SEPTIN8: variants seen among roughly 807,000 people sequenced by gnomAD.
SEPTIN8 encodes the protein septin-8.
SEPTIN8 carries 22 observed loss-of-function variants against 53.1 expected under a neutral mutation model. The observed-to-expected ratio is 0.41, with a 90% CI of 0.30 to 0.59. SEPTIN8 has a LOEUF of 0.59. SEPTIN8 is among the 20% of genes least tolerant of loss of function. SEPTIN8 has a pLI of 0.24. For missense variants in SEPTIN8, 536 were observed against 638.7 expected (o/e 0.84, Z 1.73); for synonymous variants, 228 against 248.4 (o/e 0.92, Z 0.77).
intron 9 of SEPTIN8, chr5:132,753,670 GCTAATGAAT>G (rs1205372062): frequency 6.6e-6 from 1 of 152,478 alleles, no homozygotes; most frequent in Non-Finnish European, 1.5e-5. Flanking sequence ...GGGATTTTGT[GCTAATGAAT>G]GGGTATTATA....
At chr5:132,757,445 A>G in intron 9 of SEPTIN8, 2 of 985,480 alleles carry the variant, frequency 2.0e-6, no homozygotes, top group Non-Finnish European at 2.4e-6. Context: ...TCAATAATGC[A>G]AGCCAGACAG....
chr5:132,763,936 G>A (rs926778166), intron 3 of SEPTIN8, 44 bp from the exon 4 acceptor site: 10 of 1,498,452 alleles, frequency 6.7e-6, no homozygotes, highest in Non-Finnish European at 8.0e-6. Context: ...GCTGAGATCA[G>A]GGGCTTGGGG....
At chr5:132,777,936 T>C (rs1757940119), upstream of SEPTIN8, 2 of 985,482 alleles carry the variant, frequency 2.0e-6, no homozygotes, top group African/African-American at 3.5e-5. The surrounding 1 kb of genome is among the most constrained non-coding windows in gnomAD (Gnocchi z 4.1). Context: ...GGCGTCAGAT[T>C]GCAAGTGTCC....
Position 132,751,146 on chromosome 5 carries a change from G to A in SEPTIN8, c.*870C>T. On this transcript the variant is annotated 3_prime_UTR_variant, in exon 10 of 10. Coordinates refer to ENST00000378719, the MANE Select transcript of SEPTIN8 (RefSeq NM_001098811.2). ...TGACGCACAAGGCTCATGACATACG[G>A]AAGAGTGAAAAGGTATCTTAAATCC... The A allele has an allele frequency of 1.3e-6, 1 of 778,182 alleles. No individual in the cohort carries two copies. Among genetic ancestry groups the A allele is most frequent in the Non-Finnish European group, 2.0e-6 (1 of 508,874 alleles). The allele number at this position is 778,182 out of a possible 1,614,324, so 48.2% of individuals were successfully genotyped here.
At chr5:132,763,565 G>A (rs1756220740) in intron 4 of SEPTIN8, 141 bp downstream of exon 4, 1 of 717,532 alleles carries the variant, frequency 1.4e-6, no homozygotes, top group Non-Finnish European at 2.4e-6. Context: ...AAGACAGAGA[G>A]AGGACCGAGC....
upstream of SEPTIN8, chr5:132,778,345 G>A (rs1757956450): frequency 8.0e-6 from 1 of 124,466 alleles, no homozygotes; most frequent in East Asian, 3.5e-4. Flanking sequence ...TGTGCTGACT[G>A]GAGGTGCCTA....
intron 1 of SEPTIN8, among the ~76,000 whole-genome samples, chr5:132,775,061 A>C (rs1408231722): frequency 1.3e-5 from 2 of 152,168 alleles, no homozygotes; most frequent in African/African-American, 4.8e-5. Context: ...GAAGGTGTCC[A>C]TCCCTCCAGC....
upstream of SEPTIN8, chr5:132,777,469 A>G: frequency 1.2e-5 from 12 of 981,214 alleles, no homozygotes; most frequent in Non-Finnish European, 1.5e-5. The surrounding 1 kb of genome is among the most constrained non-coding windows in gnomAD (Gnocchi z 4.1). Flanking sequence ...CCGGGACGGC[A>G]GTGTCGGGGG....
At chr5:132,778,154 A>C, upstream of SEPTIN8, 8 of 842,158 alleles carry the variant, frequency 9.5e-6, no homozygotes, top group Non-Finnish European at 1.1e-5. Context: ...CAGCTCCCAA[A>C]TCCTCTGAAA....
intron 1 of SEPTIN8, among the ~76,000 whole-genome samples, chr5:132,770,779 C>A: frequency 6.6e-6 from 1 of 152,206 alleles, no homozygotes; most frequent in Admixed American, 6.5e-5. Context: ...ATTCCACACA[C>A]CCAGCTCCCT....
In SEPTIN8 at chr5:132,761,593, A is replaced by G; in HGVS notation, c.827T>C (p.Leu276Pro). ...GTTCACCCGGATCAACATCTCCCGC[A>G]GCTTCACGAAGTCGCAGTGATTCTC... Reference protein sequence around the residue: ...ENENHCDFVKLREMLIRVNME... With the variant: ...ENENHCDFVKPREMLIRVNME... Residue 276 changes from leucine (L) to proline (P), a missense_variant, in exon 7 of 10, where the codon CTG becomes CCG. By Grantham distance (98) the Leu-to-Pro change is moderately conservative. Coordinates refer to ENST00000378719, the MANE Select transcript of SEPTIN8 (RefSeq NM_001098811.2). The surrounding 1 kb of genome is among the most constrained non-coding windows in gnomAD (Gnocchi z 5.8). The G allele has an allele frequency of 6.2e-7, 1 of 1,613,992 alleles. No individual in the cohort carries two copies. The highest frequency in any genetic ancestry group is 2.2e-5 in the East Asian group (1 of 44,880).
intron 1 of SEPTIN8, among the ~76,000 whole-genome samples, chr5:132,767,343 G>A (rs1329813955): frequency 6.6e-6 from 1 of 152,102 alleles, no homozygotes; most frequent in East Asian, 1.9e-4. Flanking sequence ...CAGCCCAGCT[G>A]GTAACTCTGA....
chr5:132,757,499 G>C, intron 9 of SEPTIN8: 1 of 985,532 alleles, frequency 1.0e-6, no homozygotes, highest in Non-Finnish European at 1.2e-6. Flanking sequence ...GGCATGAAAA[G>C]CAAACTACCA....
Position 132,761,909 on chromosome 5 carries a change from C to T in SEPTIN8, c.697-13G>A, listed in dbSNP as rs1031647198. On this transcript the variant is annotated splice_polypyrimidine_tract_variant and intron_variant, in intron 5 of 9. Transcript: ENST00000378719. This position sits in a 1 kb window ranked among gnomAD's most constrained non-coding sequence, Gnocchi z 5.8. Reference sequence around the variant, plus strand: ...AGGGCAGATGTGCCTGGAAAGGGGCCCGGGTATGCGTAAGCCCTGAGCTGA... The same window carrying T: ...AGGGCAGATGTGCCTGGAAAGGGGCTCGGGTATGCGTAAGCCCTGAGCTGA... 1.9e-6 allele frequency: 3 copies of T among 1,569,794 alleles called. No homozygotes were observed. Among genetic ancestry groups the T allele is most frequent in the Middle Eastern group, 1.7e-4 (1 of 5,996 alleles).
intron 9 of SEPTIN8, chr5:132,758,242 G>A (rs997067538): frequency 6.3e-6 from 8 of 1,267,588 alleles, no homozygotes; most frequent in African/African-American, 1.5e-5. Context: ...TTAAAAATCA[G>A]GGAATCTGTG....
At chr5:132,779,230 G>C (rs1757996840), upstream of SEPTIN8, among the ~76,000 whole-genome samples, 1 of 152,174 alleles carries the variant, frequency 6.6e-6, no homozygotes. Context: ...GGGCTCAAAA[G>C]GTGAATATAA....
chr5:132,758,114 A>G, intron 9 of SEPTIN8: 1 of 1,020,352 alleles, frequency 9.8e-7, no homozygotes, highest in African/African-American at 1.7e-5. Context: ...TTCATGTTCC[A>G]ATTCCATCCA....
intron 2 of SEPTIN8, among the ~76,000 whole-genome samples, chr5:132,765,068 C>T (rs1372081825): frequency 2.6e-5 from 4 of 151,982 alleles, no homozygotes; most frequent in Admixed American, 6.6e-5. Flanking sequence ...TTTACCATAA[C>T]GTCCTTGACA....
intron 9 of SEPTIN8, chr5:132,756,886 C>G (rs1291044415): frequency 1.0e-6 from 1 of 985,292 alleles, no homozygotes; most frequent in Non-Finnish European, 1.2e-6. Context: ...TCTTATGTAT[C>G]CAATGAACCT....
Sources: gnomAD v4.1 joint callset for allele counts (sites outside exome capture counted in the v4.1 genomes callset) on GRCh38, gnomAD v4.1.1 for gene constraint, Gnocchi (gnomAD v3.1) non-coding constraint, MANE v1.5 for transcripts, NCBI Gene and HGNC (gene_info 2026-07-23, HGNC 2026-07-21) for gene names.